The following MAP2K5 variants were observed in gnomAD, a reference collection of about 807,000 sequenced individuals.
MAP2K5 encodes mitogen-activated protein kinase kinase 5.
Under a neutral mutation model 83.1 loss-of-function variants are expected in MAP2K5, and 49 were observed. The observed-to-expected ratio is 0.59, with a 90% CI of 0.47 to 0.75. MAP2K5 has a LOEUF of 0.75. Ranked by LOEUF, MAP2K5 falls within the 30% of genes least tolerant of loss-of-function variation. The probability of loss-of-function intolerance (pLI) is 0.00; values close to 1 mark genes in which losing one functional copy is unlikely to be tolerated. For synonymous variants in MAP2K5, 202 were observed against 191.8 expected (o/e 1.05, Z -0.44); for missense variants, 457 against 557.5 (o/e 0.82, Z 1.82).
At chr15:67,585,165 A>G (rs1344806838) in intron 4 of MAP2K5, among the ~76,000 whole-genome samples, 1 of 151,852 alleles carries the variant, frequency 6.6e-6, no homozygotes, top group African/African-American at 2.4e-5. Context: ...GTAGGGCACT[A>G]TAGTTTTCAA....
chr15:67,693,007 T>A (rs181493634), intron 14 of MAP2K5, among the ~76,000 whole-genome samples: 3 of 152,314 alleles, frequency 2.0e-5, no homozygotes, highest in East Asian at 1.9e-4. Flanking sequence ...TAGTGACCCA[T>A]GAGCATGCTG....
intron 6 of MAP2K5, chr15:67,588,210 C>G (rs1239336678): frequency 4.5e-6 from 2 of 440,268 alleles, no homozygotes; most frequent in Non-Finnish European, 6.0e-6. Flanking sequence ...CCCCATCCCA[C>G]CTGACATTCC....
rs552151273 is a variant in MAP2K5, at chr15:67,735,644, G to T, written c.1074+7699G>T. 3.9e-5 allele frequency among the ~76,000 whole-genome samples: 6 copies of T among 152,284 alleles called. No individual in the cohort carries two copies. In the East Asian group the frequency reaches 1.2e-3, roughly 29 times the overall value. On this transcript the variant is annotated intron_variant, in intron 17 of 21. Coordinates refer to ENST00000178640, the MANE Select transcript of MAP2K5 (RefSeq NM_145160.3). ...TCTGACCTCAAGAGGAAAAGGGAGT[G>T]GTCAGCTCACTTCAGGAAACCAAGA...
chr15:67,630,045 C>G (rs1408598434), intron 8 of MAP2K5, among the ~76,000 whole-genome samples: 2 of 152,154 alleles, frequency 1.3e-5, no homozygotes, highest in African/African-American at 4.8e-5. Context: ...CCAGGCCAGC[C>G]TGAGCAACAT....
At chr15:67,627,285 A>G (rs895668460) in intron 8 of MAP2K5, among the ~76,000 whole-genome samples, 1 of 152,152 alleles carries the variant, frequency 6.6e-6, no homozygotes, top group Non-Finnish European at 1.5e-5. Context: ...AGAAATAACC[A>G]ATGAGGTTGT....
intron 21 of MAP2K5, among the ~76,000 whole-genome samples, chr15:67,773,158 T>C (rs1380510317): frequency 6.6e-6 from 1 of 152,208 alleles, no homozygotes; most frequent in African/African-American, 2.4e-5. Flanking sequence ...AGAATGAAAT[T>C]AAACTGGCTG....
At chr15:67,621,062 T>C (rs184372617) in intron 8 of MAP2K5, among the ~76,000 whole-genome samples, 34 of 151,502 alleles carry the variant, frequency 2.2e-4, no homozygotes, top group Non-Finnish European at 4.4e-4. Flanking sequence ...GGGAGAAAAT[T>C]TAAAATACCA....
At chr15:67,566,140 G>GT (rs988337262) in intron 3 of MAP2K5, among the ~76,000 whole-genome samples, 3 of 151,930 alleles carry the variant, frequency 2.0e-5, no homozygotes, top group East Asian at 3.8e-4. Flanking sequence ...CATTTTTATT[G>GT]TTTTTTGCAA....
At chr15:67,694,710 A>C (rs1370058641) in intron 15 of MAP2K5, among the ~76,000 whole-genome samples, 1 of 152,124 alleles carries the variant, frequency 6.6e-6, no homozygotes, top group Non-Finnish European at 1.5e-5. Context: ...GCGATTCCTC[A>C]GGGATCTACA....
At chr15:67,742,458 C>T (rs1406305542) in intron 17 of MAP2K5, among the ~76,000 whole-genome samples, 1 of 152,088 alleles carries the variant, frequency 6.6e-6, no homozygotes, top group Non-Finnish European at 1.5e-5. Context: ...TTTATTTCAC[C>T]ATAAAGAGTA....
Position 67,783,531 on chromosome 15 carries a change from CT to C in MAP2K5, c.1242+10783del, listed in dbSNP as rs1180292284. 6.6e-6 allele frequency among the ~76,000 whole-genome samples: 1 copy of C among 152,170 alleles called. No individual in the cohort carries two copies. The highest frequency in any genetic ancestry group is 1.5e-5 in the Non-Finnish European group (1 of 68,022). ...GTGCTTCAGTTGGGTTGAGGACTTC[CT>C]TTTGCCTGTCACCCTTCACCCTGGC... On this transcript the variant is annotated intron_variant, in intron 21 of 21. Transcript: ENST00000178640. This position sits in a 1 kb window ranked among gnomAD's most constrained non-coding sequence, Gnocchi z 5.1.
Position 67,764,899 on chromosome 15 carries a change from T to C in MAP2K5, c.1135-4703T>C, listed in dbSNP as rs1223297634. On this transcript the variant is annotated intron_variant, in intron 19 of 21. Transcript: ENST00000178640. This position sits in a 1 kb window ranked among gnomAD's most constrained non-coding sequence, Gnocchi z 4.9. ...TATACAAGCAGAGTTCTGCTAAGAA[T>C]CTAGGCCTCATCTAATTGTTTAAAA... Among the ~76,000 whole-genome samples, 1 of 152,242 alleles carries C rather than the reference T, an allele frequency of 6.6e-6. No individual in the cohort carries two copies. The highest frequency in any genetic ancestry group is 2.4e-5 in the African/African-American group (1 of 41,460).
chr15:67,704,002 A>C (rs1483332260), intron 16 of MAP2K5, among the ~76,000 whole-genome samples: 1 of 152,184 alleles, frequency 6.6e-6, no homozygotes, highest in Non-Finnish European at 1.5e-5. Flanking sequence ...TGTATTTAGC[A>C]CAATTGCAAT....
In MAP2K5 at chr15:67,577,412, A is replaced by C. The variant is rs77897712; in HGVS notation, c.253-3342A>C. 2.0e-4 allele frequency among the ~76,000 whole-genome samples: 31 copies of C among 152,328 alleles called. No homozygotes were observed. In the East Asian group the frequency reaches 6.0e-3, roughly 29 times the overall value. ...CCTACTATGTGCAGAGCTTTGTGTT[A>C]GGGCTAATAAATGCCAGGATAAGAT... On this transcript the variant is annotated intron_variant, in intron 3 of 21. Transcript: ENST00000178640. The surrounding 1 kb of genome is among the most constrained non-coding windows in gnomAD (Gnocchi z 4.1).
At chr15:67,620,078 A>T (rs572460949) in intron 8 of MAP2K5, among the ~76,000 whole-genome samples, 2 of 152,170 alleles carry the variant, frequency 1.3e-5, no homozygotes, top group African/African-American at 2.4e-5. Flanking sequence ...GCTTAAAAAA[A>T]ATATACTAGT....
In MAP2K5 at chr15:67,571,973, G is replaced by A. The variant is rs1351145882; in HGVS notation, c.252+8623G>A. ...AGGGAGATTAACAAAAAAGGAAACA[G>A]AGTTCAGTGTGGGAAGACAAGAAAA... On this transcript the variant is annotated intron_variant, in intron 3 of 21. Transcript: ENST00000178640. 2.0e-5 allele frequency among the ~76,000 whole-genome samples: 3 copies of A among 152,352 alleles called. No individual in the cohort carries two copies. The East Asian group carries it at 5.8e-4, about 29-fold the overall frequency.
chr15:67,644,025 G>A lies in MAP2K5; in HGVS notation c.586-2206G>A, dbSNP rs188948455. On this transcript the variant is annotated intron_variant, in intron 9 of 21. Coordinates refer to ENST00000178640, the MANE Select transcript of MAP2K5 (RefSeq NM_145160.3). This position sits in a 1 kb window ranked among gnomAD's most constrained non-coding sequence, Gnocchi z 4.6. ...GAATGTTAAGTTTTTATCTAGAAAT[G>A]TCTAGAGCCAGAAACTCTGCCACAA... is the stretch of plus-strand genomic sequence containing the variant. 1.3e-3 allele frequency among the ~76,000 whole-genome samples: 195 copies of A among 152,238 alleles called. 1 individual carries two copies. The highest frequency in any genetic ancestry group is 4.4e-3 in the African/African-American group (182 of 41,534).
intron 19 of MAP2K5, among the ~76,000 whole-genome samples, chr15:67,753,224 A>C (rs761998228): frequency 4.6e-5 from 7 of 152,236 alleles, no homozygotes; most frequent in Non-Finnish European, 7.3e-5. Context: ...TAAATGTAAG[A>C]GTAAAAACTA....
rs150875137 is a variant in MAP2K5, at chr15:67,717,357, G to A, written c.1045-10559G>A. On this transcript the variant is annotated intron_variant, in intron 16 of 21. Coordinates refer to ENST00000178640, the MANE Select transcript of MAP2K5 (RefSeq NM_145160.3). The surrounding 1 kb of genome is among the most constrained non-coding windows in gnomAD (Gnocchi z 4.1). ...TGTCTACTGTAATAGGAAGTAGGTA[G>A]GTAAGGATCTCATCTAATTAGTAAA... Among the ~76,000 whole-genome samples the A allele has an allele frequency of 7.8e-3, 1,181 of 152,290 alleles. 22 individuals carry two copies. The highest frequency in any genetic ancestry group is 0.027 in the African/African-American group (1,119 of 41,554).
Sources: gnomAD v4.1 joint callset for allele counts (sites outside exome capture counted in the v4.1 genomes callset) on GRCh38, gnomAD v4.1.1 for gene constraint, Gnocchi (gnomAD v3.1) non-coding constraint, MANE v1.5 for transcripts, NCBI Gene and HGNC (gene_info 2026-07-23, HGNC 2026-07-21) for gene names.